Variants in METTL21C observed in about 807,000 individuals in gnomAD.
METTL21C encodes the protein methyltransferase 21C, AARS1 lysine, also known as protein-lysine methyltransferase METTL21C.
METTL21C carries 21 observed loss-of-function variants against 25.9 expected under a neutral mutation model. That is an observed-to-expected ratio of 0.81 (90% CI 0.58 to 1.17). METTL21C has a LOEUF of 1.17. Ranked by LOEUF, METTL21C falls within the 50% of genes most tolerant of loss-of-function variation. The probability of loss-of-function intolerance (pLI) is 0.00; values close to 1 mark genes in which losing one functional copy is unlikely to be tolerated. For missense variants in METTL21C, 312 were observed against 315.1 expected (o/e 0.99, Z 0.07); for synonymous variants, 125 against 124.7 (o/e 1.00, Z -0.01).
At chr13:102,697,904 C>G (rs1885971842), upstream of METTL21C, among the ~76,000 whole-genome samples, 2 of 152,156 alleles carry the variant, frequency 1.3e-5, no homozygotes, top group African/African-American at 4.8e-5. Flanking sequence ...AGGCAAAACA[C>G]ACACTTCAGA....
Position 102,685,840 on chromosome 13 carries a change from A to G in METTL21C, c.*191T>C, listed in dbSNP as rs138908669. 0.01 allele frequency: 5,419 copies of G among 539,434 alleles called. 49 individuals are homozygous for G. Among genetic ancestry groups the G allele is most frequent in the Non-Finnish European group, 0.011 (3,590 of 322,874 alleles). 33.4% of individuals were successfully genotyped at this position (539,434 alleles called of 1,614,324 possible). ...TTTATGTTGTTCTTTTTAGATATTT[A>G]GATTAACCAGATAATCTTAAATTAT... On this transcript the variant is annotated 3_prime_UTR_variant, in exon 4 of 4. Coordinates refer to ENST00000267273, the MANE Select transcript of METTL21C (RefSeq NM_001010977.3).
At chr13:102,687,326 G>A (rs1377436851) in intron 2 of METTL21C, among the ~76,000 whole-genome samples, 1 of 152,182 alleles carries the variant, frequency 6.6e-6, no homozygotes, top group Non-Finnish European at 1.5e-5. Context: ...GATCAGCTTA[G>A]CTCTTTCAAA....
At chr13:102,693,163 A>T (rs1885872368) in intron 1 of METTL21C, among the ~76,000 whole-genome samples, 1 of 152,190 alleles carries the variant, frequency 6.6e-6, no homozygotes, top group South Asian at 2.1e-4. Flanking sequence ...GACACCACAG[A>T]CACGATTAAC....
chr13:102,694,937 C>T lies in METTL21C; in HGVS notation c.-439G>A, dbSNP rs1035416368. 1.3e-5 allele frequency among the ~76,000 whole-genome samples: 2 copies of T among 150,246 alleles called. No individual in the cohort carries two copies. The highest frequency in any genetic ancestry group is 4.9e-5 in the African/African-American group (2 of 40,888). ...ACACACACACACACACACGCACAGT[C>T]CTAGCAACATTCAATGGAATTCCCT... On this transcript the variant is annotated 5_prime_UTR_variant, in exon 1 of 4. Transcript: ENST00000267273.
At chr13:102,697,163 A>G (rs937937935), upstream of METTL21C, among the ~76,000 whole-genome samples, 39 of 152,234 alleles carry the variant, frequency 2.6e-4, no homozygotes, top group African/African-American at 8.7e-4. Flanking sequence ...AAGATACAAG[A>G]TTGGATCAAA....
In METTL21C at chr13:102,686,044, A is replaced by C. The variant is rs1282544182; in HGVS notation, c.782T>G (p.Leu261Arg). 3 of 1,577,722 alleles carry C rather than the reference A, an allele frequency of 1.9e-6. No homozygotes were observed. In the East Asian group the frequency reaches 6.8e-5, roughly 36 times the overall value. ...ATTTTGTTGGATTTAGTCCCATTTT[A>C]GTATCCCCTTAAAAAGTTTGACTGA... ...ESSVKLFKGI[L>R]KWD is the part of the protein sequence containing the mutation. The change falls in exon 4 of 4, where the codon CTA (leucine) becomes CGA (arginine). Residue 261 changes from leucine to arginine, a missense_variant. Physicochemically the swap from Leu to Arg is moderately radical, Grantham distance 102. Coordinates refer to ENST00000267273, the MANE Select transcript of METTL21C (RefSeq NM_001010977.3).
Position 102,694,462 on chromosome 13 carries a change from G to C in METTL21C, c.37C>G (p.Arg13Gly), listed in dbSNP as rs371376040. ...VCLSSAQQPG[R>G]RGEGLSSPGG... ...GGGGAGCTGAGTCCTTCCCCCCGGCGCCCAGGCTGCTGCGCGGAGCTCAGA... is the reference window on the plus strand; with the variant it reads ...GGGGAGCTGAGTCCTTCCCCCCGGCCCCCAGGCTGCTGCGCGGAGCTCAGA... Residue 13 changes from arginine to glycine, a missense_variant, in exon 1 of 4, where the codon CGC (arginine) becomes GGC (glycine). Transcript: ENST00000267273. 2.1e-6 allele frequency: 3 copies of C among 1,456,998 alleles called. No homozygotes were observed. Among genetic ancestry groups the C allele is most frequent in the South Asian group, 2.3e-5 (2 of 86,080 alleles). The allele number at this position is 1,456,998 out of a possible 1,614,324, so 90.3% of individuals were successfully genotyped here. A position where few individuals can be genotyped will look rare whatever the true frequency, so the allele number is the denominator to read the frequency against.
chr13:102,697,676 C>G (rs562290461), upstream of METTL21C, among the ~76,000 whole-genome samples: 1 of 152,248 alleles, frequency 6.6e-6, no homozygotes, highest in South Asian at 2.1e-4. Context: ...TTCCAAGCAT[C>G]CCAGAAGCCC....
chr13:102,686,532 T>C (rs1595241599), intron 3 of METTL21C, 107 bp from the exon 4 acceptor site: 2 of 1,325,584 alleles, frequency 1.5e-6, no homozygotes, highest in East Asian at 2.4e-5. Flanking sequence ...CTTGGCTCTA[T>C]TGGTGGGTGG....
chr13:102,688,871 CG>C (rs2308265), intron 2 of METTL21C, among the ~76,000 whole-genome samples: 7 of 21,288 alleles, frequency 3.3e-4, no homozygotes, highest in African/African-American at 6.0e-4. Flanking sequence ...AACATTCCCC[CG>C]CCAGCCCCTT....
At chr13:102,686,579 C>G (rs575248025) in intron 3 of METTL21C, among the ~76,000 whole-genome samples, 154 bp from the exon 4 acceptor site, 1 of 152,238 alleles carries the variant, frequency 6.6e-6, no homozygotes, top group Non-Finnish European at 1.5e-5. Context: ...CTGGCTAATT[C>G]TTGTGGGTGG....
Position 102,685,818 on chromosome 13 carries a change from ATGT to A in METTL21C, c.*210_*212del. ...CCAACAAAGCTACTTTCATGTTTTT[ATGT>A]TGTTCTTTTTAGATATTTAGATTAA... On this transcript the variant is annotated 3_prime_UTR_variant, in exon 4 of 4. Transcript: ENST00000267273. The A allele has an allele frequency of 2.1e-6, 1 of 487,722 alleles. No individual in the cohort carries two copies. The highest frequency in any genetic ancestry group is 3.9e-5 in the Admixed American group (1 of 25,882). 30.2% of individuals were successfully genotyped at this position (487,722 alleles called of 1,614,324 possible).
intron 2 of METTL21C, among the ~76,000 whole-genome samples, chr13:102,689,727 A>T (rs896003): frequency 0.25 from 37,531 of 152,230 alleles, 4,872 homozygotes; most frequent in East Asian, 0.32. Flanking sequence ...CCTGCACCCC[A>T]GTCGGGAGCT....
chr13:102,696,617 G>T (rs1775812888), upstream of METTL21C, among the ~76,000 whole-genome samples: 1 of 151,970 alleles, frequency 6.6e-6, no homozygotes. Context: ...GAGCTCTATT[G>T]CCTGGAGCTA....
At chr13:102,686,484 C>G (rs1282950853) in intron 3 of METTL21C, 59 bp from the exon 4 acceptor site, 3 of 1,524,376 alleles carry the variant, frequency 2.0e-6, no homozygotes, top group Non-Finnish European at 8.8e-7. Flanking sequence ...TGTACATATA[C>G]CCAGGGAGAA....
At chr13:102,689,568 T>G (rs1885774061) in intron 2 of METTL21C, among the ~76,000 whole-genome samples, 1 of 152,192 alleles carries the variant, frequency 6.6e-6, no homozygotes. Flanking sequence ...CACCCCGGAA[T>G]GTGTAAGACC....
intron 2 of METTL21C, among the ~76,000 whole-genome samples, chr13:102,688,206 A>G (rs1359522648): frequency 2.0e-5 from 3 of 152,162 alleles, no homozygotes; most frequent in Non-Finnish European, 4.4e-5. Flanking sequence ...AGCCAGGATG[A>G]TTGGAGACGT....
chr13:102,698,044 C>T (rs976150025), upstream of METTL21C, among the ~76,000 whole-genome samples: 1 of 152,206 alleles, frequency 6.6e-6, no homozygotes, highest in African/African-American at 2.4e-5. Context: ...ACAGTATCTG[C>T]TACAGCTTCA....
intron 1 of METTL21C, among the ~76,000 whole-genome samples, chr13:102,692,447 T>C (rs1885855748): frequency 6.6e-6 from 1 of 152,238 alleles, no homozygotes; most frequent in Admixed American, 6.5e-5. Context: ...TGACGATGCC[T>C]GTTGAATCTA....
Sources: allele counts gnomAD v4.1 joint callset (sites outside exome capture counted in the v4.1 genomes callset), GRCh38; gene constraint gnomAD v4.1.1; transcripts MANE v1.5; gene names NCBI Gene and HGNC (gene_info 2026-07-23, HGNC 2026-07-21).